The following CACNA1B variants were observed in gnomAD, a reference collection of about 807,000 sequenced individuals.
CACNA1B encodes voltage-dependent N-type calcium channel subunit alpha-1B.
Under a neutral mutation model 247.2 loss-of-function variants are expected in CACNA1B, and 70 were observed. That is an observed-to-expected ratio of 0.28 (90% CI 0.23 to 0.35). The LOEUF (loss-of-function observed/expected upper bound fraction) is 0.35, where lower values mean the gene tolerates loss of function less well. Ranked by LOEUF, CACNA1B falls within the 10% of genes least tolerant of loss-of-function variation. The pLI is 1.00. For missense variants in CACNA1B, 2,367 were observed against 3,197.4 expected (o/e 0.74, Z 6.26); for synonymous variants, 1,231 against 1,294.4 (o/e 0.95, Z 1.05).
chr9:138,111,959 T>C (rs537722833), intron 39 of CACNA1B, among the ~76,000 whole-genome samples: 5 of 152,066 alleles, frequency 3.3e-5, no homozygotes, highest in Non-Finnish European at 7.4e-5. Context: ...TTTTTACTTA[T>C]TACTGCTTTA....
intron 6 of CACNA1B, among the ~76,000 whole-genome samples, chr9:137,928,248 C>A (rs1277888789): frequency 6.6e-6 from 1 of 152,278 alleles, no homozygotes; most frequent in South Asian, 2.1e-4. Flanking sequence ...CAGGCACCCA[C>A]CACCACGCCT....
At position 138,058,525 on chromosome 9, in the gene CACNA1B, G is replaced by T. The variant is rs1483407683; in HGVS notation, c.4309-44G>T. ...TGGGTGCAGTAGATGCCGTCGGGTA[G>T]GTTTTCTGCTTCTGAGTCTCTGTGC... On this transcript the variant is annotated intron_variant, in intron 28 of 46. Transcript: ENST00000371372. This position sits in a 1 kb window ranked among gnomAD's most constrained non-coding sequence, Gnocchi z 4.7. The T allele has an allele frequency of 1.9e-6, 3 of 1,566,322 alleles. No individual in the cohort carries two copies. Among genetic ancestry groups the T allele is most frequent in the Non-Finnish European group, 2.6e-6 (3 of 1,154,620 alleles).
chr9:137,899,945 G>A lies in CACNA1B; in HGVS notation c.531-13235G>A, dbSNP rs571986586. On this transcript the variant is annotated intron_variant, in intron 3 of 46. Coordinates refer to ENST00000371372, the MANE Select transcript of CACNA1B (RefSeq NM_000718.4). The surrounding 1 kb of genome is among the most constrained non-coding windows in gnomAD (Gnocchi z 5.0). ...GGGTAGGGCTCTGTGCCACAGGGAC[G>A]GGGTACAGGGGCTGGCCAGCGTGGG... is the stretch of plus-strand genomic sequence containing the variant. 1.3e-5 allele frequency among the ~76,000 whole-genome samples: 2 copies of A among 152,200 alleles called. No homozygotes were observed. The highest frequency in any genetic ancestry group is 2.9e-5 in the Non-Finnish European group (2 of 68,032).
At chr9:137,893,298 T>C (rs1382337947) in intron 3 of CACNA1B, among the ~76,000 whole-genome samples, 4 of 143,304 alleles carry the variant, frequency 2.8e-5, no homozygotes, top group African/African-American at 1.0e-4. Flanking sequence ...GCTGTTTTAA[T>C]AACAATAATT....
At position 138,105,725 on chromosome 9, in the gene CACNA1B, C is replaced by T; in HGVS notation, c.5346C>T (p.Ile1782=). The T allele has an allele frequency of 1.3e-6, 2 of 1,562,738 alleles. No individual in the cohort carries two copies. The highest frequency in any genetic ancestry group is 1.7e-6 in the Non-Finnish European group (2 of 1,154,178). Residue 1782 remains isoleucine (I), a synonymous_variant, in exon 39 of 47, where the codon ATC becomes ATT. Coordinates refer to ENST00000371372, the MANE Select transcript of CACNA1B (RefSeq NM_000718.4). Reference sequence around the variant, plus strand: ...GCCTGGTTCGCATGAACATGCCCATCTCCAACGAGGACATGACTGTTCACT... The same window carrying T: ...GCCTGGTTCGCATGAACATGCCCATTTCCAACGAGGACATGACTGTTCACT... ...YKRLVRMNMP[I]SNEDMTVHFT...
intron 3 of CACNA1B, among the ~76,000 whole-genome samples, chr9:137,896,761 T>A (rs1327675038): frequency 6.6e-6 from 1 of 152,206 alleles, no homozygotes; most frequent in Non-Finnish European, 1.5e-5. Context: ...GGAGATTTCC[T>A]TTTTGGGAGC....
At position 137,966,353 on chromosome 9, in the gene CACNA1B, T is replaced by G. The variant is rs1958076089; in HGVS notation, c.1334-5030T>G. Among the ~76,000 whole-genome samples, 5 of 149,770 alleles carry G rather than the reference T, an allele frequency of 3.3e-5. 1 individual carries two copies. In the South Asian group the frequency reaches 1.1e-3, roughly 32 times the overall value. On this transcript the variant is annotated intron_variant, in intron 10 of 46. Transcript: ENST00000371372. ...CATTCTCCTGCCTCAGCCTCCTGAGTAGCTGGGACTACAGGCACCTACCAC... is the reference window on the plus strand; with the variant it reads ...CATTCTCCTGCCTCAGCCTCCTGAGGAGCTGGGACTACAGGCACCTACCAC...
At chr9:137,949,329 C>T (rs930798917) in intron 6 of CACNA1B, among the ~76,000 whole-genome samples, 37 of 1,570 alleles carry the variant, frequency 0.024, no homozygotes, top group Middle Eastern at 0.25. Flanking sequence ...GTATGGTGTG[C>T]GTGTAGGTGT....
intron 44 of CACNA1B, 82 bp from the exon 45 acceptor site, chr9:138,120,083 T>C: frequency 8.2e-7 from 1 of 1,217,308 alleles, no homozygotes; most frequent in Non-Finnish European, 1.2e-6. Flanking sequence ...CTGTCTGGCC[T>C]GCTCCACCAC....
chr9:138,094,974 A>C (rs757926218), intron 36 of CACNA1B, among the ~76,000 whole-genome samples: 7 of 152,234 alleles, frequency 4.6e-5, no homozygotes, highest in Non-Finnish European at 1.0e-4. Flanking sequence ...AGTCAATCAA[A>C]AACCTAATAG....
intron 41 of CACNA1B, 77 bp downstream of exon 41, chr9:138,114,567 G>C (rs958053801): frequency 2.9e-6 from 2 of 690,990 alleles, no homozygotes; most frequent in Admixed American, 2.5e-5. Flanking sequence ...GGTTGACGAC[G>C]GGGGAGATGC....
intron 13 of CACNA1B, 85 bp downstream of exon 13, chr9:137,984,335 G>A: frequency 1.1e-6 from 1 of 915,414 alleles, no homozygotes; most frequent in Non-Finnish European, 1.7e-6. Context: ...GTCCCCAGGA[G>A]TTCACAGCAC....
At chr9:137,894,577 T>A (rs1360142079) in intron 3 of CACNA1B, among the ~76,000 whole-genome samples, 2 of 151,894 alleles carry the variant, frequency 1.3e-5, no homozygotes. Context: ...CCCGGCTCAT[T>A]TTTTGTATTT....
At chr9:137,999,353 G>T (rs1958537621) in intron 15 of CACNA1B, among the ~76,000 whole-genome samples, 1 of 152,144 alleles carries the variant, frequency 6.6e-6, no homozygotes, top group Non-Finnish European at 1.5e-5. Context: ...TTTGTAAGTT[G>T]AAGGATTTGG....
At position 138,121,449 on chromosome 9, in the gene CACNA1B, T is replaced by C; in HGVS notation, c.6490-20T>C. 3 of 1,472,092 alleles carry C rather than the reference T, an allele frequency of 2.0e-6. No individual in the cohort carries two copies. The highest frequency in any genetic ancestry group is 2.7e-6 in the Non-Finnish European group (3 of 1,100,566). 91.2% of individuals were successfully genotyped at this position (1,472,092 alleles called of 1,614,324 possible). On this transcript the variant is annotated intron_variant, in intron 46 of 46. Transcript: ENST00000371372. This position sits in a 1 kb window ranked among gnomAD's most constrained non-coding sequence, Gnocchi z 6.8. The stretch of plus-strand genomic sequence containing the variant: ...TTTTTTTTTTTTACCTCTGATTTGT[T>C]CTGGTCCATTTTCATGTAGGGCAGT...
At chr9:137,938,795 C>T (rs1454707938) in intron 6 of CACNA1B, among the ~76,000 whole-genome samples, 2 of 152,136 alleles carry the variant, frequency 1.3e-5, no homozygotes, top group African/African-American at 2.4e-5. Flanking sequence ...ATAGACAGGC[C>T]AGGCACAGTG....
At position 137,917,201 on chromosome 9, in the gene CACNA1B, AT is replaced by A; in HGVS notation, c.776-37del. On this transcript the variant is annotated intron_variant, in intron 5 of 46. Coordinates refer to ENST00000371372, the MANE Select transcript of CACNA1B (RefSeq NM_000718.4). This position sits in a 1 kb window ranked among gnomAD's most constrained non-coding sequence, Gnocchi z 5.5. ...CCTGGTGGGGATTGGAGAGCTTGGT[AT>A]TTCTGAGCTCAGGGTCTGCTTCATT... The A allele has an allele frequency of 6.4e-7, 1 of 1,567,324 alleles. No individual in the cohort carries two copies. Among genetic ancestry groups the A allele is most frequent in the Non-Finnish European group, 8.7e-7 (1 of 1,151,136 alleles).
chr9:138,045,301 G>A (rs1023830721), intron 21 of CACNA1B, among the ~76,000 whole-genome samples: 5 of 152,174 alleles, frequency 3.3e-5, no homozygotes, highest in Non-Finnish European at 5.9e-5. Flanking sequence ...CACAGTGGGG[G>A]TACTCGGATT....
Position 137,952,267 on chromosome 9 carries a change from C to T in CACNA1B, c.967-7C>T. ...GTCCTTCCTCATCTCCCTCTCCTTG[C>T]TTCCAGACAAACGATGCGGCCGGCA... On this transcript the variant is annotated splice_region_variant and splice_polypyrimidine_tract_variant and intron_variant, in intron 6 of 46. Transcript: ENST00000371372. The surrounding 1 kb of genome is among the most constrained non-coding windows in gnomAD (Gnocchi z 4.8). 6.2e-7 allele frequency: 1 copy of T among 1,612,230 alleles called. No individual in the cohort carries two copies. The highest frequency in any genetic ancestry group is 1.1e-5 in the South Asian group (1 of 91,026).
Sources: gnomAD v4.1 joint callset for allele counts (sites outside exome capture counted in the v4.1 genomes callset) on GRCh38, gnomAD v4.1.1 for gene constraint, Gnocchi (gnomAD v3.1) non-coding constraint, MANE v1.5 for transcripts, NCBI Gene and HGNC (gene_info 2026-07-23, HGNC 2026-07-21) for gene names.